HOMER1: variants seen among roughly 807,000 people sequenced by gnomAD.
HOMER1 encodes homer protein homolog 1.
A neutral mutation model predicts 48.9 loss-of-function variants in HOMER1; 3 were observed. That is an observed-to-expected ratio of 0.06 (90% confidence interval 0.03 to 0.16). HOMER1 has a LOEUF of 0.16. HOMER1 is among the 10% of genes least tolerant of loss of function. The pLI is 1.00. For missense variants in HOMER1, 247 were observed against 411.4 expected (o/e 0.60, Z 3.46); for synonymous variants, 134 against 146.4 (o/e 0.92, Z 0.61).
In HOMER1 at chr5:79,451,033, G is replaced by C. The variant is rs1751013920; in HGVS notation, c.251C>G (p.Thr84Ser). 3.1e-6 allele frequency: 5 copies of C among 1,613,716 alleles called. No homozygotes were observed. Among genetic ancestry groups the C allele is most frequent in the Non-Finnish European group, 3.4e-6 (4 of 1,179,762 alleles). ...FGQWADSRAN[T>S]VYGLGFSSEH... ...AGAGGAGAATCCCAATCCATAAACG[G>C]TGTTTGCCCGGCTATCAGCCCACTG... The change falls in exon 3 of 9, where the codon ACC becomes AGC. Residue 84 changes from threonine (T) to serine (S), a missense_variant. Physicochemically the swap from Thr to Ser is moderately conservative, Grantham distance 58. Transcript: ENST00000334082.
chr5:79,407,225 A>G (rs545507704), intron 5 of HOMER1, among the ~76,000 whole-genome samples: 1 of 152,024 alleles, frequency 6.6e-6, no homozygotes, highest in African/African-American at 2.4e-5. Flanking sequence ...AGTCATACCC[A>G]TTTCTAGGAG....
chr5:79,407,030 C>G (rs1434379365), intron 5 of HOMER1, among the ~76,000 whole-genome samples: 4 of 152,068 alleles, frequency 2.6e-5, no homozygotes, highest in African/African-American at 9.7e-5. Flanking sequence ...TGTGCACACA[C>G]ACAAAAAAAG....
intron 1 of HOMER1, among the ~76,000 whole-genome samples, chr5:79,469,182 G>A (rs1751555102): frequency 6.6e-6 from 1 of 152,084 alleles, no homozygotes; most frequent in Non-Finnish European, 1.5e-5. Context: ...TGAGCTGGTG[G>A]AGGTAATGGA....
intron 1 of HOMER1, among the ~76,000 whole-genome samples, chr5:79,473,615 T>C (rs1751680443): frequency 6.6e-6 from 1 of 152,234 alleles, no homozygotes; most frequent in Non-Finnish European, 1.5e-5. Flanking sequence ...AAATCTTTCT[T>C]AATCAAAAAC....
intron 5 of HOMER1, among the ~76,000 whole-genome samples, chr5:79,438,089 A>G (rs12652093): frequency 0.27 from 41,082 of 152,168 alleles, 6,771 homozygotes; most frequent in East Asian, 0.75. Context: ...AATTTCAATC[A>G]AAATAAAAAT....
At chr5:79,398,297 G>T (rs1387372225) in intron 6 of HOMER1, among the ~76,000 whole-genome samples, 1 of 134,802 alleles carries the variant, frequency 7.4e-6, no homozygotes, top group Non-Finnish European at 1.5e-5. Context: ...ATAGACAGAA[G>T]TCAATATAAA....
chr5:79,447,205 T>C, intron 3 of HOMER1, 60 bp from the exon 4 acceptor site: 3 of 997,510 alleles, frequency 3.0e-6, no homozygotes, highest in Non-Finnish European at 3.2e-6. Flanking sequence ...TGCCCACTTT[T>C]ACCTTAGTAA....
At chr5:79,400,167 T>A (rs2112218340) in intron 6 of HOMER1, among the ~76,000 whole-genome samples, 1 of 152,160 alleles carries the variant, frequency 6.6e-6, no homozygotes, top group African/African-American at 2.4e-5. Flanking sequence ...GTGTTAAGTA[T>A]TTATATTCAC....
At chr5:79,451,516 G>T (rs1310576718) in intron 2 of HOMER1, among the ~76,000 whole-genome samples, 2 of 132,556 alleles carry the variant, frequency 1.5e-5, no homozygotes, top group Admixed American at 8.0e-5. Flanking sequence ...ACCCTCCAAA[G>T]AATCTTTCAA....
intron 1 of HOMER1, chr5:79,510,949 C>T: frequency 1.9e-6 from 1 of 535,200 alleles, no homozygotes; most frequent in Admixed American, 2.6e-5. Context: ...CCCCGCCAGG[C>T]TGCCATCTGC....
intron 1 of HOMER1, among the ~76,000 whole-genome samples, chr5:79,460,032 T>C (rs533958254): frequency 1.8e-3 from 149 of 82,522 alleles, no homozygotes; most frequent in African/African-American, 6.3e-3. Flanking sequence ...TTCTTTCTTT[T>C]CTTTAACAGA....
chr5:79,414,173 C>A (rs943749379), intron 5 of HOMER1, among the ~76,000 whole-genome samples: 7 of 150,506 alleles, frequency 4.7e-5, no homozygotes, highest in Admixed American at 4.0e-4. Flanking sequence ...CTCTGCCTCC[C>A]CCAGGCTCAG....
chr5:79,453,348 GAC>G (rs756769618), intron 2 of HOMER1, among the ~76,000 whole-genome samples: 2 of 152,136 alleles, frequency 1.3e-5, no homozygotes, highest in African/African-American at 2.4e-5. Flanking sequence ...TAAGAAAACT[GAC>G]CAACGTGCTG....
intron 1 of HOMER1, chr5:79,510,298 AATT>A: frequency 2.7e-6 from 1 of 370,700 alleles, no homozygotes; most frequent in South Asian, 2.4e-5. Flanking sequence ...TAAACAAATT[AATT>A]ATGCTAAGTG....
At chr5:79,484,819 A>G (rs1233623266) in intron 1 of HOMER1, among the ~76,000 whole-genome samples, 1 of 152,182 alleles carries the variant, frequency 6.6e-6, no homozygotes, top group African/African-American at 2.4e-5. Flanking sequence ...AACAATCAGC[A>G]AGACTGCACA....
chr5:79,486,834 G>A (rs1041521967), intron 1 of HOMER1, among the ~76,000 whole-genome samples: 1 of 152,208 alleles, frequency 6.6e-6, no homozygotes, highest in African/African-American at 2.4e-5. Flanking sequence ...ACACTATTGA[G>A]TTTTAAGCAA....
At chr5:79,388,067 A>C (rs765892126) in intron 8 of HOMER1, among the ~76,000 whole-genome samples, 1 of 152,212 alleles carries the variant, frequency 6.6e-6, no homozygotes, top group Non-Finnish European at 1.5e-5. Context: ...AAACTACGGT[A>C]ACCCCAAGAA....
intron 1 of HOMER1, among the ~76,000 whole-genome samples, chr5:79,512,488 G>C (rs928366163): frequency 6.6e-6 from 1 of 152,206 alleles, no homozygotes; most frequent in African/African-American, 2.4e-5. Context: ...TGATGCAGCA[G>C]TCTGACCAGT....
chr5:79,409,362 G>A (rs984446650), intron 5 of HOMER1, among the ~76,000 whole-genome samples: 3 of 151,550 alleles, frequency 2.0e-5, no homozygotes, highest in African/African-American at 7.3e-5. Flanking sequence ...AACCGGGGAG[G>A]CGGAGGTTGT....
Sources: allele counts gnomAD v4.1 joint callset (sites outside exome capture counted in the v4.1 genomes callset), GRCh38; gene constraint gnomAD v4.1.1; transcripts MANE v1.5; gene names NCBI Gene and HGNC (gene_info 2026-07-23, HGNC 2026-07-21).